SLC41A2: variants seen among roughly 807,000 people sequenced by gnomAD.
SLC41A2 encodes SLC41A1-like 1.
A neutral mutation model predicts 58.3 loss-of-function variants in SLC41A2; 32 were observed. The ratio of observed to expected loss-of-function variants is 0.55; its 90% CI spans 0.41 to 0.74. SLC41A2 has a LOEUF of 0.74. Ranked by LOEUF, SLC41A2 falls within the 30% of genes least tolerant of loss-of-function variation. The pLI, the probability that SLC41A2 is intolerant of heterozygous loss-of-function variation, is 0.00. For missense variants in SLC41A2, 514 were observed against 680.6 expected (o/e 0.76, Z 2.72); for synonymous variants, 190 against 235.0 (o/e 0.81, Z 1.75).
At chr12:104,918,130 C>G (rs993492566) in intron 2 of SLC41A2, among the ~76,000 whole-genome samples, 2 of 151,514 alleles carry the variant, frequency 1.3e-5, no homozygotes, top group African/African-American at 4.8e-5. Flanking sequence ...TGGTAAAGAT[C>G]AAAAAGTTGG....
intron 10 of SLC41A2, among the ~76,000 whole-genome samples, chr12:104,830,608 A>G (rs1301260828): frequency 1.3e-5 from 2 of 152,212 alleles, no homozygotes; most frequent in African/African-American, 2.4e-5. Flanking sequence ...TTTCACTTGG[A>G]AAGTAGGGGA....
intron 1 of SLC41A2, among the ~76,000 whole-genome samples, chr12:104,934,562 T>TG (rs888258403): frequency 1.3e-5 from 2 of 152,116 alleles, no homozygotes; most frequent in African/African-American, 4.8e-5. Context: ...AATCATGGCT[T>TG]GGGATTCTAT....
chr12:104,853,913 T>TATTATTATTATTA lies in SLC41A2; in HGVS notation c.1255+7377_1255+7378insTAATAATAATAAT, dbSNP rs1555202444. Among the ~76,000 whole-genome samples, 165 of 38,420 alleles carry TATTATTATTATTA rather than the reference T, an allele frequency of 4.3e-3. 13 individuals carry two copies. The highest frequency in any genetic ancestry group is 6.8e-3 in the Non-Finnish European group (94 of 13,764). The allele number at this position is 38,420 out of a possible 152,430, so 25.2% of individuals were successfully genotyped here. A position where few individuals can be genotyped will look rare whatever the true frequency, so the allele number is the denominator to read the frequency against. ...GTGCATGTCACCATGCCTGGCTGAT[T>TATTATTATTATTA]TTTTTTTTTTTTTTTTTTTTTTTTT... On this transcript the variant is annotated intron_variant, in intron 8 of 10. Coordinates refer to ENST00000258538, the MANE Select transcript of SLC41A2 (RefSeq NM_001352171.3).
intron 6 of SLC41A2, among the ~76,000 whole-genome samples, chr12:104,872,604 G>A (rs1249649736): frequency 2.6e-5 from 4 of 152,098 alleles, no homozygotes; most frequent in African/African-American, 7.2e-5. Context: ...GTGGTGGTAG[G>A]TGCCTGTAAT....
At chr12:104,947,749 G>A (rs1473792142) in intron 1 of SLC41A2, among the ~76,000 whole-genome samples, 3 of 151,674 alleles carry the variant, frequency 2.0e-5, no homozygotes, top group African/African-American at 7.3e-5. Flanking sequence ...GTTTTAAAAG[G>A]AAAAAAAGAC....
intron 8 of SLC41A2, among the ~76,000 whole-genome samples, chr12:104,847,094 T>C (rs1298921457): frequency 1.3e-5 from 2 of 151,762 alleles, no homozygotes; most frequent in East Asian, 3.9e-4. Flanking sequence ...TTTAAAATAA[T>C]TATAATTAAT....
intron 8 of SLC41A2, among the ~76,000 whole-genome samples, chr12:104,857,101 C>A (rs2043046417): frequency 6.6e-6 from 1 of 151,880 alleles, no homozygotes; most frequent in South Asian, 2.1e-4. Context: ...AAACGTATTT[C>A]AAAAAAGAGT....
chr12:104,824,953 G>T (rs532282809), intron 10 of SLC41A2, among the ~76,000 whole-genome samples: 1 of 152,274 alleles, frequency 6.6e-6, no homozygotes, highest in East Asian at 1.9e-4. Context: ...TCTCTTTCCT[G>T]CGGGTAAGAG....
intron 7 of SLC41A2, among the ~76,000 whole-genome samples, chr12:104,865,090 C>T (rs2043372254): frequency 6.6e-6 from 1 of 152,126 alleles, no homozygotes; most frequent in Admixed American, 6.5e-5. Flanking sequence ...GTAGCTCTTT[C>T]ATTAAAGGAC....
intron 6 of SLC41A2, among the ~76,000 whole-genome samples, chr12:104,879,114 T>C (rs2044223300): frequency 6.6e-6 from 1 of 152,252 alleles, no homozygotes; most frequent in South Asian, 2.1e-4. Flanking sequence ...TGTTTTCTTT[T>C]GAAAAGTGTC....
chr12:104,903,710 TTTC>T (rs2045671711), intron 3 of SLC41A2, among the ~76,000 whole-genome samples: 1 of 152,224 alleles, frequency 6.6e-6, no homozygotes, highest in Non-Finnish European at 1.5e-5. Flanking sequence ...TTATTTACGT[TTTC>T]TTATTTCCTT....
intron 10 of SLC41A2, among the ~76,000 whole-genome samples, chr12:104,824,167 A>G (rs2041751805): frequency 6.6e-6 from 1 of 150,992 alleles, no homozygotes; most frequent in South Asian, 2.1e-4. Context: ...ACGTGAAGAC[A>G]GGCATTTTTT....
intron 5 of SLC41A2, among the ~76,000 whole-genome samples, chr12:104,887,071 G>A (rs934103134): frequency 6.6e-6 from 1 of 151,896 alleles, no homozygotes; most frequent in Non-Finnish European, 1.5e-5. Context: ...CTGTGTACTT[G>A]TACTTTTACA....
chr12:104,829,506 G>A (rs930704356), intron 10 of SLC41A2, among the ~76,000 whole-genome samples: 1 of 152,180 alleles, frequency 6.6e-6, no homozygotes, highest in African/African-American at 2.4e-5. Flanking sequence ...GGAACTGACT[G>A]CAAAGGAGCA....
chr12:104,863,331 AAACTGAGGC>A (rs2043282460), intron 7 of SLC41A2, among the ~76,000 whole-genome samples: 1 of 152,126 alleles, frequency 6.6e-6, no homozygotes, highest in Non-Finnish European at 1.5e-5. Context: ...GCTGTTCAAG[AAACTGAGGC>A]AGGAGGGTTG....
intron 1 of SLC41A2, among the ~76,000 whole-genome samples, chr12:104,954,525 C>G (rs566561462): frequency 1.3e-5 from 2 of 152,296 alleles, no homozygotes; most frequent in South Asian, 4.1e-4. Flanking sequence ...GAGAAAACAT[C>G]TGTAGCTGCA....
At chr12:104,822,571 C>A (rs1566106010) in intron 10 of SLC41A2, among the ~76,000 whole-genome samples, 1 of 152,094 alleles carries the variant, frequency 6.6e-6, no homozygotes, top group Non-Finnish European at 1.5e-5. Flanking sequence ...GGAATATATG[C>A]TGTTTTATGA....
chr12:104,907,607 T>C (rs556916792), intron 3 of SLC41A2, among the ~76,000 whole-genome samples: 2 of 152,362 alleles, frequency 1.3e-5, no homozygotes, highest in South Asian at 2.1e-4. Context: ...TATTAGGTTT[T>C]TGTTACTGCT....
chr12:104,826,899 T>A (rs2041865293), intron 10 of SLC41A2, among the ~76,000 whole-genome samples: 1 of 152,176 alleles, frequency 6.6e-6, no homozygotes, highest in African/African-American at 2.4e-5. Context: ...CTTTGTATCA[T>A]GTAAAGTGTC....
Sources: gnomAD v4.1 joint callset for allele counts (sites outside exome capture counted in the v4.1 genomes callset) on GRCh38, gnomAD v4.1.1 for gene constraint, MANE v1.5 for transcripts, NCBI Gene and HGNC (gene_info 2026-07-23, HGNC 2026-07-21) for gene names.